Variants in ZNF503 observed in about 807,000 individuals in gnomAD.
ZNF503 encodes the protein NocA-like zinc finger 2.
In ZNF503, 15 loss-of-function variants were observed where a neutral mutation model predicts 34.4. The observed-to-expected ratio is 0.44, with a 90% CI of 0.29 to 0.67. ZNF503 has a LOEUF of 0.67. Among genes scored for constraint, ZNF503 ranks in the 30% least tolerant of loss-of-function variants. The probability of loss-of-function intolerance (pLI) is 0.13; values close to 1 mark genes in which losing one functional copy is unlikely to be tolerated. For synonymous variants in ZNF503, 580 were observed against 456.8 expected, an observed-to-expected ratio of 1.27 and a Z score of -3.44; for missense variants, 1,007 against 926.8, an observed-to-expected ratio of 1.09 and a Z score of -1.12.
chr10:75,370,573 G>A, the ZNF503 span, among the ~76,000 whole-genome samples: 1 of 151,970 alleles, frequency 6.6e-6, no homozygotes, highest in African/African-American at 2.4e-5. Flanking sequence ...GAGGTCAGGA[G>A]TTTGAGACCA....
chr10:75,297,455 G>T, the ZNF503 span, among the ~76,000 whole-genome samples: 150 of 152,370 alleles, frequency 9.8e-4, 1 homozygote, highest in South Asian at 7.5e-3. Flanking sequence ...AAAATCCCCT[G>T]CCCTTCTGGA....
At chr10:75,328,566 G>C in the ZNF503 span, among the ~76,000 whole-genome samples, 2 of 151,888 alleles carry the variant, frequency 1.3e-5, no homozygotes, top group African/African-American at 2.4e-5. Flanking sequence ...GTTCAGGATT[G>C]TTTTGGCTAT....
At chr10:75,352,618 C>G in the ZNF503 span, among the ~76,000 whole-genome samples, 1 of 152,330 alleles carries the variant, frequency 6.6e-6, no homozygotes, top group East Asian at 1.9e-4. Context: ...TGCCTGAATG[C>G]AGGCGTATTA....
the ZNF503 span, among the ~76,000 whole-genome samples, chr10:75,303,296 T>C: frequency 6.6e-6 from 1 of 152,182 alleles, no homozygotes; most frequent in Non-Finnish European, 1.5e-5. Flanking sequence ...ACTGCATGAG[T>C]CCAGGGCCAG....
chr10:75,314,236 C>CAAAAAAAAAAAA, the ZNF503 span, among the ~76,000 whole-genome samples: 1 of 89,810 alleles, frequency 1.1e-5, no homozygotes, highest in Non-Finnish European at 2.2e-5. Context: ...GACTCCGTCT[C>CAAAAAAAAAAAA]AAAAAAAAAA....
the ZNF503 span, among the ~76,000 whole-genome samples, chr10:75,294,824 G>T: frequency 2.0e-5 from 3 of 152,132 alleles, no homozygotes; most frequent in South Asian, 6.2e-4. Context: ...GGGGGTGTCA[G>T]CGAGGGGCCG....
the ZNF503 span, among the ~76,000 whole-genome samples, chr10:75,296,024 C>G: frequency 2.0e-5 from 3 of 152,246 alleles, no homozygotes; most frequent in East Asian, 3.9e-4. Flanking sequence ...TCAATAGTAA[C>G]GTGATTAAGT....
chr10:75,302,886 G>A, the ZNF503 span, among the ~76,000 whole-genome samples: 1 of 152,190 alleles, frequency 6.6e-6, no homozygotes, highest in Non-Finnish European at 1.5e-5. Context: ...GGTGTGGGCA[G>A]TTATAGACTC....
the ZNF503 span, among the ~76,000 whole-genome samples, chr10:75,347,372 T>C: frequency 7.9e-6 from 1 of 126,968 alleles, no homozygotes; most frequent in Non-Finnish European, 1.6e-5. Flanking sequence ...CCCACATCCA[T>C]CTGGGCCCGC....
Position 75,400,099 on chromosome 10 carries a change from ACCGCCACCG to A in ZNF503, c.582_590del (p.Gly202_Gly204del). ...AAACACCCCCGCCGCCGCCCCCGCC[ACCGCCACCG>A]CCTCCACCGCCGCCTCCCGGCTCCT... On this transcript the variant is annotated inframe_deletion, in exon 2 of 2. Transcript: ENST00000372524. 1.4e-6 allele frequency: 1 copy of A among 715,402 alleles called. No individual in the cohort carries two copies. The highest frequency in any genetic ancestry group is 1.9e-6 in the Non-Finnish European group (1 of 516,802). The allele number at this position is 715,402 out of a possible 1,614,324, so 44.3% of individuals were successfully genotyped here.
the ZNF503 span, among the ~76,000 whole-genome samples, chr10:75,368,129 C>T: frequency 2.0e-5 from 3 of 152,176 alleles, no homozygotes; most frequent in Non-Finnish European, 2.9e-5. Flanking sequence ...ACAAATCATT[C>T]CTCTTAGGCT....
chr10:75,401,378 C>G lies in ZNF503; in HGVS notation c.42G>C (p.Lys14Asn), dbSNP rs989166758. ...CTCCGCCGCCGCCGCCGCCGCTGTG[C>G]TTACTGCTTCTTAGGGCAGAAAGCG... The part of the protein sequence containing the change: ...APSLSALRSS[K>N]HSGGGGGGGG... The change falls in exon 1 of 2, where the codon AAG becomes AAC. Residue 14 changes from lysine to asparagine, a missense_variant. By Grantham distance (94) the Lys-to-Asn change is moderately conservative. Transcript: ENST00000372524. The G allele has an allele frequency of 3.3e-6, 5 of 1,534,428 alleles. No homozygotes were observed. The highest frequency in any genetic ancestry group is 3.5e-6 in the Non-Finnish European group (4 of 1,142,782).
the ZNF503 span, among the ~76,000 whole-genome samples, chr10:75,369,151 A>C: frequency 4.6e-5 from 7 of 152,368 alleles, no homozygotes; most frequent in East Asian, 1.3e-3. Context: ...TTGTATCAAA[A>C]ATTAATAATA....
At chr10:75,349,460 T>C in the ZNF503 span, among the ~76,000 whole-genome samples, 2 of 152,242 alleles carry the variant, frequency 1.3e-5, no homozygotes, top group Non-Finnish European at 2.9e-5. Context: ...ATTTATTACT[T>C]ATAATTAATG....
At chr10:75,361,642 A>G in the ZNF503 span, 1 of 152,126 alleles carries the variant, frequency 6.6e-6, no homozygotes, top group Non-Finnish European at 1.5e-5. Flanking sequence ...CTCCTCAAAT[A>G]CACCACTCAG....
chr10:75,392,028 T>A, the ZNF503 span, among the ~76,000 whole-genome samples: 4 of 152,280 alleles, frequency 2.6e-5, 1 homozygote, highest in South Asian at 4.1e-4. Flanking sequence ...TGGCCTGAGA[T>A]CTAAAGTAGA....
chr10:75,320,825 T>C, the ZNF503 span, among the ~76,000 whole-genome samples: 2 of 152,242 alleles, frequency 1.3e-5, no homozygotes, highest in African/African-American at 4.8e-5. Context: ...AATCATAATC[T>C]TATAATTCTT....
rs768320504 is a variant in ZNF503, at chr10:75,399,011, G to C, written c.1679C>G (p.Ser560Cys). The stretch of plus-strand genomic sequence containing the variant: ...GGCGGCCGCGGCAGCGCTGGCCAGA[G>C]ACGACGAGCTGGGGTAGCCCGACAG... Reference protein sequence around the residue: ...KLLSGYPSSSSLASAAAAAMA... With the variant: ...KLLSGYPSSSCLASAAAAAMA... The change falls in exon 2 of 2, where the codon TCT (serine) becomes TGT (cysteine). Residue 560 changes from serine to cysteine, a missense_variant. Transcript: ENST00000372524. 1.4e-5 allele frequency: 22 copies of C among 1,609,190 alleles called. No homozygotes were observed. The highest frequency in any genetic ancestry group is 1.9e-5 in the Non-Finnish European group (22 of 1,179,546).
At chr10:75,331,368 T>C in the ZNF503 span, among the ~76,000 whole-genome samples, 3 of 152,278 alleles carry the variant, frequency 2.0e-5, no homozygotes, top group African/African-American at 7.2e-5. Context: ...GCTTTCTGTC[T>C]AGATGATTTG....
Sources: gnomAD v4.1 joint callset for allele counts (sites outside exome capture counted in the v4.1 genomes callset) on GRCh38, gnomAD v4.1.1 for gene constraint, MANE v1.5 for transcripts, NCBI Gene and HGNC (gene_info 2026-07-23, HGNC 2026-07-21) for gene names.